The following SPIN1 variants were observed in gnomAD, a reference collection of about 807,000 sequenced individuals.
The protein encoded by SPIN1 is spindlin-1.
Under a neutral mutation model 26.0 loss-of-function variants are expected in SPIN1, and 3 were observed. That is an observed-to-expected ratio of 0.12 (90% CI 0.05 to 0.30). SPIN1 has a LOEUF of 0.30. SPIN1 is among the 10% of genes least tolerant of loss of function. The pLI is 1.00. For missense variants in SPIN1, 126 were observed against 333.4 expected (o/e 0.38, Z 4.84); for synonymous variants, 101 against 116.5 (o/e 0.87, Z 0.86).
intron 1 of SPIN1, among the ~76,000 whole-genome samples, chr9:88,422,321 C>G (rs1352929488): frequency 6.6e-6 from 1 of 152,056 alleles, no homozygotes; most frequent in Admixed American, 6.6e-5. Flanking sequence ...TTTTTTGTTT[C>G]CTTCAGTTTT....
intron 2 of SPIN1, among the ~76,000 whole-genome samples, chr9:88,429,900 T>C (rs923484013): frequency 1.3e-5 from 2 of 152,126 alleles, no homozygotes; most frequent in Non-Finnish European, 1.5e-5. Flanking sequence ...CTCCAGAGTT[T>C]CCAAGGGTAT....
At chr9:88,410,316 A>G (rs1827414485) in intron 1 of SPIN1, among the ~76,000 whole-genome samples, 2 of 152,148 alleles carry the variant, frequency 1.3e-5, no homozygotes, top group South Asian at 4.1e-4. Context: ...TAAACAAAAG[A>G]ACAGAAACTA....
intron 1 of SPIN1, among the ~76,000 whole-genome samples, chr9:88,423,726 A>G (rs1357929983): frequency 2.3e-5 from 3 of 129,644 alleles, no homozygotes; most frequent in South Asian, 2.4e-4. Context: ...TACATCATGT[A>G]TTTTTTTTTT....
chr9:88,434,464 A>T (rs932931386), intron 2 of SPIN1, among the ~76,000 whole-genome samples: 2 of 151,946 alleles, frequency 1.3e-5, no homozygotes, highest in African/African-American at 4.8e-5. Context: ...AATAGATATA[A>T]TAAAGCTATA....
At chr9:88,413,088 A>G (rs1005661746) in intron 1 of SPIN1, among the ~76,000 whole-genome samples, 8 of 118,016 alleles carry the variant, frequency 6.8e-5, no homozygotes, top group Non-Finnish European at 9.9e-5. Context: ...TTTTTTTGAG[A>G]TGGAGTTTTG....
chr9:88,428,291 A>G (rs1380719339), intron 2 of SPIN1, among the ~76,000 whole-genome samples: 1 of 152,144 alleles, frequency 6.6e-6, no homozygotes, highest in Non-Finnish European at 1.5e-5. Flanking sequence ...CAGATAGTGA[A>G]CATACTAGTT....
At chr9:88,458,693 A>C (rs1418432457) in intron 3 of SPIN1, among the ~76,000 whole-genome samples, 2 of 152,160 alleles carry the variant, frequency 1.3e-5, no homozygotes, top group Admixed American at 6.5e-5. Flanking sequence ...ACACATGAGG[A>C]GGGAAGCGGG....
intron 5 of SPIN1, among the ~76,000 whole-genome samples, chr9:88,473,918 A>G (rs1307370605): frequency 6.6e-6 from 1 of 152,232 alleles, no homozygotes; most frequent in Admixed American, 6.5e-5. Context: ...TTCAGCTTAT[A>G]TTTCTTTATT....
intron 1 of SPIN1, among the ~76,000 whole-genome samples, chr9:88,406,000 TGTGTC>T: frequency 1.2e-5 from 1 of 84,278 alleles, no homozygotes; most frequent in African/African-American, 9.6e-5. Flanking sequence ...GCCTGGCTTG[TGTGTC>T]TGTGTGTGTG....
chr9:88,390,081 AAT>A (rs1826886220), intron 1 of SPIN1, among the ~76,000 whole-genome samples: 1 of 152,200 alleles, frequency 6.6e-6, no homozygotes, highest in African/African-American at 2.4e-5. Context: ...TCTTAGGAAA[AAT>A]AGTTTCTTTA....
chr9:88,454,603 A>G (rs902084465), intron 3 of SPIN1, among the ~76,000 whole-genome samples: 1 of 152,250 alleles, frequency 6.6e-6, no homozygotes, highest in African/African-American at 2.4e-5. Flanking sequence ...AATTTTAAAT[A>G]TACATAAAAA....
In SPIN1 at chr9:88,468,547, C is replaced by T; in HGVS notation, c.531C>T (p.Tyr177=). ...CCTATGAGAAAGACCCTGTCTTGTACATGTACCAACTCTTAGATGATTACA... is the reference window on the plus strand; with the variant it reads ...CCTATGAGAAAGACCCTGTCTTGTATATGTACCAACTCTTAGATGATTACA... ...YITYEKDPVL[Y]MYQLLDDYKE... The change falls in exon 5 of 6, where the codon TAC becomes TAT. Residue 177 remains tyrosine (Y), a synonymous_variant. Coordinates refer to ENST00000375859, the MANE Select transcript of SPIN1 (RefSeq NM_006717.3). 2 of 1,607,364 alleles carry T rather than the reference C, an allele frequency of 1.2e-6. No homozygotes were observed. Among genetic ancestry groups the T allele is most frequent in the Middle Eastern group, 3.3e-4 (2 of 6,026 alleles).
At chr9:88,415,751 A>AT (rs897897074) in intron 1 of SPIN1, 34 of 149,476 alleles carry the variant, frequency 2.3e-4, no homozygotes, top group Middle Eastern at 3.4e-3. Context: ...ATATGTAATA[A>AT]TTTTTTTTTT....
At chr9:88,430,328 G>A (rs1466755884) in intron 2 of SPIN1, among the ~76,000 whole-genome samples, 2 of 152,166 alleles carry the variant, frequency 1.3e-5, no homozygotes, top group South Asian at 2.1e-4. Context: ...CCTTTACATG[G>A]AGGCTTCCAG....
At chr9:88,462,387 CA>C (rs1164786117) in intron 3 of SPIN1, 108 bp from the exon 4 acceptor site, 3 of 1,441,386 alleles carry the variant, frequency 2.1e-6, no homozygotes, top group Admixed American at 2.2e-5. Context: ...TGAGTTTGTA[CA>C]TATTTTGGGA....
At chr9:88,430,410 TCTA>T (rs1827845191) in intron 2 of SPIN1, among the ~76,000 whole-genome samples, 2 of 152,210 alleles carry the variant, frequency 1.3e-5, no homozygotes, top group African/African-American at 2.4e-5. Context: ...CAGGTTCACT[TCTA>T]CTGCATTCTA....
intron 1 of SPIN1, among the ~76,000 whole-genome samples, chr9:88,409,994 C>A (rs535187451): frequency 2.0e-5 from 3 of 152,154 alleles, no homozygotes; most frequent in South Asian, 2.1e-4. Context: ...AATTTTAGTT[C>A]TTTTCTCCTA....
At chr9:88,441,361 C>A (rs757737586) in intron 2 of SPIN1, among the ~76,000 whole-genome samples, 2 of 137,912 alleles carry the variant, frequency 1.5e-5, no homozygotes, top group Non-Finnish European at 3.0e-5. Flanking sequence ...ATTCCTGATT[C>A]TCTCTCCAGT....
At chr9:88,470,656 G>A (rs988979640) in intron 5 of SPIN1, among the ~76,000 whole-genome samples, 2 of 150,994 alleles carry the variant, frequency 1.3e-5, no homozygotes, top group African/African-American at 4.9e-5. Context: ...GTGCATTGGC[G>A]TGATCTCAGC....
Sources: allele counts gnomAD v4.1 joint callset (sites outside exome capture counted in the v4.1 genomes callset), GRCh38; gene constraint gnomAD v4.1.1; transcripts MANE v1.5; gene names NCBI Gene and HGNC (gene_info 2026-07-23, HGNC 2026-07-21).